The following STXBP5L variants were observed in gnomAD, a reference collection of about 807,000 sequenced individuals.
STXBP5L encodes the protein syntaxin binding protein 5L.
In STXBP5L, 65 loss-of-function variants were observed where a neutral mutation model predicts 144.5. The observed-to-expected ratio is 0.45, with a 90% confidence interval of 0.37 to 0.55. STXBP5L has a LOEUF of 0.55. Among genes scored for constraint, STXBP5L ranks in the 20% least tolerant of loss-of-function variants. The probability of loss-of-function intolerance (pLI) is 0.00; values close to 1 mark genes in which losing one functional copy is unlikely to be tolerated. For missense variants in STXBP5L, 1,298 were observed against 1,405.5 expected (o/e 0.92, Z 1.22); for synonymous variants, 505 against 469.6 (o/e 1.08, Z -0.97).
At chr3:120,917,737 G>A (rs923051434) in intron 2 of STXBP5L, among the ~76,000 whole-genome samples, 1 of 152,132 alleles carries the variant, frequency 6.6e-6, no homozygotes, top group African/African-American at 2.4e-5. Flanking sequence ...AAATAAAACA[G>A]TAGGTATCTA....
chr3:120,951,802 G>A (rs369906620), intron 2 of STXBP5L, among the ~76,000 whole-genome samples: 7 of 152,012 alleles, frequency 4.6e-5, no homozygotes, highest in African/African-American at 1.2e-4. Flanking sequence ...ATCCCATTAC[G>A]GGGTATATAC....
intron 3 of STXBP5L, among the ~76,000 whole-genome samples, chr3:120,980,817 T>G (rs1472503818): frequency 6.6e-6 from 1 of 152,208 alleles, no homozygotes; most frequent in Non-Finnish European, 1.5e-5. Context: ...GTTTTTTATA[T>G]TCCTGTGTTT....
intron 3 of STXBP5L, among the ~76,000 whole-genome samples, chr3:120,964,483 A>G (rs887725641): frequency 3.3e-5 from 5 of 151,976 alleles, no homozygotes; most frequent in Admixed American, 3.3e-4. Context: ...CTTTGTTCTC[A>G]TTGGTTTCAA....
In STXBP5L at chr3:121,397,027, G is replaced by A. The variant is rs149862340; in HGVS notation, c.2588-10216G>A. Among the ~76,000 whole-genome samples, 542 of 152,316 alleles carry A rather than the reference G, an allele frequency of 3.6e-3. 1 individual carries two copies. The highest frequency in any genetic ancestry group is 0.013 in the African/African-American group (527 of 41,572). Reference sequence around the variant, plus strand: ...TACCTCAATTACAGCTACAAGCTCCGCTTTTTGAGCTGAAGTATAGGGTGT... The same window carrying A: ...TACCTCAATTACAGCTACAAGCTCCACTTTTTGAGCTGAAGTATAGGGTGT... On this transcript the variant is annotated intron_variant, in intron 22 of 26. Coordinates refer to ENST00000471454, the MANE Select transcript of STXBP5L (RefSeq NM_001308330.2).
intron 5 of STXBP5L, among the ~76,000 whole-genome samples, chr3:121,086,002 C>T (rs2042472994): frequency 6.6e-6 from 1 of 152,038 alleles, no homozygotes; most frequent in Non-Finnish European, 1.5e-5. Context: ...ATAAAGATCT[C>T]AGAAATAAGA....
rs781204746 is a variant in STXBP5L, at chr3:121,085,024, G to A, written c.471-29901G>A. On this transcript the variant is annotated intron_variant, in intron 5 of 26. Coordinates refer to ENST00000471454, the MANE Select transcript of STXBP5L (RefSeq NM_001308330.2). ...CCGCATGTATGTCTTTTTTTGAGAA[G>A]TGTCTATTCATGTTCTTTGCCCACT... 5.5e-4 allele frequency among the ~76,000 whole-genome samples: 84 copies of A among 151,934 alleles called. 1 individual carries two copies. The highest frequency in any genetic ancestry group is 3.3e-4 in the Admixed American group (5 of 15,254).
intron 7 of STXBP5L, among the ~76,000 whole-genome samples, chr3:121,121,948 G>A (rs1000152222): frequency 6.6e-6 from 1 of 150,864 alleles, no homozygotes; most frequent in Non-Finnish European, 1.5e-5. Flanking sequence ...CTGGCATTTT[G>A]AGAACGATAA....
At chr3:120,924,438 A>G (rs896203929) in intron 2 of STXBP5L, among the ~76,000 whole-genome samples, 1 of 152,210 alleles carries the variant, frequency 6.6e-6, no homozygotes, top group Non-Finnish European at 1.5e-5. Flanking sequence ...AAGGAATTAG[A>G]TCAGTAATAT....
chr3:121,332,096 A>T (rs1043826996), intron 20 of STXBP5L, among the ~76,000 whole-genome samples: 1 of 151,978 alleles, frequency 6.6e-6, no homozygotes, highest in African/African-American at 2.4e-5. Context: ...TTTAAAAATC[A>T]CAGATGAATT....
chr3:121,250,799 G>A (rs1220063192), intron 15 of STXBP5L, 36 bp downstream of exon 15: 2 of 1,574,576 alleles, frequency 1.3e-6, no homozygotes, highest in East Asian at 2.3e-5. Context: ...GAAACCAATT[G>A]GTTAATATTT....
chr3:120,937,040 G>A (rs1348509998), intron 2 of STXBP5L, among the ~76,000 whole-genome samples: 1 of 152,098 alleles, frequency 6.6e-6, no homozygotes. Flanking sequence ...AGACAGGAAG[G>A]CTAGAGTTGG....
At chr3:121,396,245 C>G (rs1203550848) in intron 22 of STXBP5L, among the ~76,000 whole-genome samples, 1 of 152,206 alleles carries the variant, frequency 6.6e-6, no homozygotes, top group African/African-American at 2.4e-5. Context: ...CCCCTTTCTG[C>G]TTTTGCAACT....
intron 18 of STXBP5L, among the ~76,000 whole-genome samples, chr3:121,263,821 C>A (rs2050464055): frequency 6.6e-6 from 1 of 152,078 alleles, no homozygotes; most frequent in Non-Finnish European, 1.5e-5. Flanking sequence ...TGTGAAAAGA[C>A]CAAACCTATG....
intron 3 of STXBP5L, among the ~76,000 whole-genome samples, chr3:120,964,472 T>C (rs1939299565): frequency 1.3e-5 from 2 of 152,216 alleles, no homozygotes; most frequent in Admixed American, 1.3e-4. Flanking sequence ...GTATGTTGTG[T>C]CTTTGTTCTC....
rs139890779 is a variant in STXBP5L, at chr3:121,162,369, T to C, written c.877+4742T>C. Among the ~76,000 whole-genome samples the C allele has an allele frequency of 9.2e-4, 140 of 152,276 alleles. 1 individual carries two copies. Among genetic ancestry groups the C allele is most frequent in the African/African-American group, 3.2e-3 (131 of 41,566 alleles). On this transcript the variant is annotated intron_variant, in intron 9 of 26. Coordinates refer to ENST00000471454, the MANE Select transcript of STXBP5L (RefSeq NM_001308330.2). The stretch of plus-strand genomic sequence containing the variant: ...GTGCTGGGAAAACTGGCTAGTGATA[T>C]GCAGAAAACTGAACTGGACTCCTTC...
chr3:121,163,718 T>G (rs1037605017), intron 9 of STXBP5L, among the ~76,000 whole-genome samples: 1 of 152,078 alleles, frequency 6.6e-6, no homozygotes, highest in African/African-American at 2.4e-5. Context: ...TTTGGAAGGT[T>G]TGATGCCCTG....
At chr3:120,948,632 C>G (rs1576465607) in intron 2 of STXBP5L, among the ~76,000 whole-genome samples, 1 of 151,878 alleles carries the variant, frequency 6.6e-6, no homozygotes, top group Non-Finnish European at 1.5e-5. Flanking sequence ...TTAGCTCTTA[C>G]TTATATGTGA....
chr3:121,092,274 G>T (rs1438696221), intron 5 of STXBP5L, among the ~76,000 whole-genome samples: 1 of 151,764 alleles, frequency 6.6e-6, no homozygotes, highest in Non-Finnish European at 1.5e-5. Context: ...GGTTCCATAT[G>T]AACTTTAAAG....
chr3:121,304,186 T>C lies in STXBP5L; in HGVS notation c.2111-14289T>C, dbSNP rs139069742. On this transcript the variant is annotated intron_variant, in intron 19 of 26. Transcript: ENST00000471454. Reference sequence around the variant, plus strand: ...AATAAAATAAATGACCAGAATGATATAAAAATCCTACATACTTGCATAAAC... The same window carrying C: ...AATAAAATAAATGACCAGAATGATACAAAAATCCTACATACTTGCATAAAC... Among the ~76,000 whole-genome samples, 5 of 152,208 alleles carry C rather than the reference T, an allele frequency of 3.3e-5. No homozygotes were observed. In the East Asian group the frequency reaches 9.6e-4, roughly 29 times the overall value.
Sources: gnomAD v4.1 joint callset for allele counts (sites outside exome capture counted in the v4.1 genomes callset) on GRCh38, gnomAD v4.1.1 for gene constraint, MANE v1.5 for transcripts, NCBI Gene and HGNC (gene_info 2026-07-23, HGNC 2026-07-21) for gene names.